CAV3: variants seen among roughly 807,000 people sequenced by gnomAD.
CAV3 encodes caveolin 3, also known as caveolin-3.
CAV3 carries 10 observed loss-of-function variants against 13.4 expected under a neutral mutation model. That is an observed-to-expected ratio of 0.75 (90% CI 0.46 to 1.27). CAV3 has a LOEUF of 1.27. Among genes scored for constraint, CAV3 ranks in the 50% most tolerant of loss-of-function variants. The pLI is 0.00. For missense variants in CAV3, 162 were observed against 194.0 expected (o/e 0.83, Z 0.98); for synonymous variants, 90 against 79.0 (o/e 1.14, Z -0.74).
intron 1 of CAV3, among the ~76,000 whole-genome samples, chr3:8,740,748 T>A (rs1707929583): frequency 6.6e-6 from 1 of 152,110 alleles, no homozygotes; most frequent in South Asian, 2.1e-4. Context: ...TGCTCTCAAC[T>A]CCTAGAGCAC....
At chr3:8,742,792 C>T (rs1161073473) in intron 1 of CAV3, among the ~76,000 whole-genome samples, 1 of 152,004 alleles carries the variant, frequency 6.6e-6, no homozygotes. Context: ...GATGAGCAGG[C>T]AGATAGGTGG....
At position 8,741,369 on chromosome 3, in the gene CAV3, T is replaced by A. The variant is rs112304496; in HGVS notation, c.115-4157T>A. Among the ~76,000 whole-genome samples, 4 of 152,294 alleles carry A rather than the reference T, an allele frequency of 2.6e-5. 1 individual carries two copies. The highest frequency in any genetic ancestry group is 9.6e-5 in the African/African-American group (4 of 41,558). On this transcript the variant is annotated intron_variant, in intron 1 of 1. Transcript: ENST00000343849. ...TCTAAGCACTCTCAACTTCTATAATTACCTTGTTGGGAGACAGGACACACT... is the reference window on the plus strand; with the variant it reads ...TCTAAGCACTCTCAACTTCTATAATAACCTTGTTGGGAGACAGGACACACT...
Position 8,734,007 on chromosome 3 carries a change from T to G in CAV3, c.114+17T>G. 1.4e-6 allele frequency: 2 copies of G among 1,468,282 alleles called. No individual in the cohort carries two copies. Among genetic ancestry groups the G allele is most frequent in the Non-Finnish European group, 9.5e-7 (1 of 1,047,928 alleles). 91.0% of individuals were successfully genotyped at this position (1,468,282 alleles called of 1,614,324 possible). On this transcript the variant is annotated intron_variant, in intron 1 of 1. Transcript: ENST00000343849. ...ATAGTCAAGGTAGGCTCTGCAGGCCTGCCTCGGCGGGCGGAGAGTGTCAGG... is the reference window on the plus strand; with the variant it reads ...ATAGTCAAGGTAGGCTCTGCAGGCCGGCCTCGGCGGGCGGAGAGTGTCAGG...
At chr3:8,743,777 A>G (rs768870888) in intron 1 of CAV3, among the ~76,000 whole-genome samples, 1 of 152,214 alleles carries the variant, frequency 6.6e-6, no homozygotes, top group African/African-American at 2.4e-5. Context: ...TCTGAGCAAC[A>G]TGGTTCTAGT....
chr3:8,737,387 C>T (rs1020142524), intron 1 of CAV3, among the ~76,000 whole-genome samples: 1 of 152,094 alleles, frequency 6.6e-6, no homozygotes, highest in Non-Finnish European at 1.5e-5. Context: ...CAGTCACGGC[C>T]GTTTCACATT....
intron 1 of CAV3, among the ~76,000 whole-genome samples, chr3:8,736,287 C>G (rs1431622685): frequency 3.3e-5 from 5 of 152,146 alleles, no homozygotes; most frequent in Non-Finnish European, 7.3e-5. Flanking sequence ...TTTACCTCCA[C>G]CAGGTAAACG....
chr3:8,735,130 G>T (rs1707706636), intron 1 of CAV3, among the ~76,000 whole-genome samples: 1 of 152,160 alleles, frequency 6.6e-6, no homozygotes, highest in African/African-American at 2.4e-5. Flanking sequence ...CCTACTGAAA[G>T]CATTGGAATC....
At position 8,746,000 on chromosome 3, in the gene CAV3, C is replaced by T. The variant is rs1046237406; in HGVS notation, c.*133C>T. The T allele has an allele frequency of 3.1e-5, 21 of 686,168 alleles. No homozygotes were observed. Among genetic ancestry groups the T allele is most frequent in the South Asian group, 1.7e-4 (9 of 52,746 alleles). The allele number at this position is 686,168 out of a possible 1,614,324, so 42.5% of individuals were successfully genotyped here. ...GCTCCATACCCCATGATGGAGCACA[C>T]GGTGTAGGGAAGCCAGAAAGAAAAG... is the stretch of plus-strand genomic sequence containing the variant. On this transcript the variant is annotated 3_prime_UTR_variant, in exon 2 of 2. Coordinates refer to ENST00000343849, the MANE Select transcript of CAV3 (RefSeq NM_033337.3). This position sits in a 1 kb window ranked among gnomAD's most constrained non-coding sequence, Gnocchi z 4.8.
chr3:8,734,036 G>T, intron 1 of CAV3, 46 bp downstream of exon 1: 1 of 1,103,308 alleles, frequency 9.1e-7, no homozygotes, highest in Non-Finnish European at 1.4e-6. Context: ...TGTCAGGTTT[G>T]CGAGACGTGG....
chr3:8,735,168 C>T (rs1215673286), intron 1 of CAV3, among the ~76,000 whole-genome samples: 1 of 152,218 alleles, frequency 6.6e-6, no homozygotes, highest in Non-Finnish European at 1.5e-5. Context: ...AATAGGGATA[C>T]TGTTACCACA....
rs146518904 is a variant in CAV3, at chr3:8,740,379, G to A, written c.115-5147G>A. On this transcript the variant is annotated intron_variant, in intron 1 of 1. Coordinates refer to ENST00000343849, the MANE Select transcript of CAV3 (RefSeq NM_033337.3). The stretch of plus-strand genomic sequence containing the variant: ...CCAGCAAACCACCCACTGAAAGCTC[G>A]TGCACAGCCAAGCCCAGAGCTCCAC... 9.9e-5 allele frequency among the ~76,000 whole-genome samples: 15 copies of A among 151,934 alleles called. No individual in the cohort carries two copies. The East Asian group carries it at 1.8e-3, about 18-fold the overall frequency.
intron 1 of CAV3, among the ~76,000 whole-genome samples, chr3:8,738,920 A>G (rs1312428924): frequency 1.3e-5 from 2 of 152,240 alleles, no homozygotes; most frequent in African/African-American, 4.8e-5. Context: ...CTCTGTCTGC[A>G]GAAGAATAAT....
Position 8,733,998 on chromosome 3 carries a change from C to G in CAV3, c.114+8C>G, listed in dbSNP as rs987275270. The G allele has an allele frequency of 6.6e-6, 10 of 1,519,074 alleles. No individual in the cohort carries two copies. The highest frequency in any genetic ancestry group is 1.7e-4 in the Middle Eastern group (1 of 5,882). The allele number at this position is 1,519,074 out of a possible 1,614,324, so 94.1% of individuals were successfully genotyped here. A position where few individuals can be genotyped will look rare whatever the true frequency, so the allele number is the denominator to read the frequency against. The stretch of plus-strand genomic sequence containing the variant: ...AACGAGGACATAGTCAAGGTAGGCT[C>G]TGCAGGCCTGCCTCGGCGGGCGGAG... On this transcript the variant is annotated splice_region_variant and intron_variant, in intron 1 of 1. Coordinates refer to ENST00000343849, the MANE Select transcript of CAV3 (RefSeq NM_033337.3).
chr3:8,738,865 C>A (rs1707848240), intron 1 of CAV3, among the ~76,000 whole-genome samples: 1 of 152,158 alleles, frequency 6.6e-6, no homozygotes, highest in African/African-American at 2.4e-5. Context: ...GGAAGCCATG[C>A]ACCATCAGCT....
chr3:8,738,143 G>C (rs142996569), intron 1 of CAV3, among the ~76,000 whole-genome samples: 2 of 152,232 alleles, frequency 1.3e-5, no homozygotes, highest in East Asian at 3.9e-4. Flanking sequence ...GAACCTGAGA[G>C]TTATGCAGGT....
rs533325108 is a variant in CAV3 at position 8,743,363 on chromosome 3, A to G, written c.115-2163A>G. Among the ~76,000 whole-genome samples the G allele has an allele frequency of 1.4e-4, 21 of 152,120 alleles. No homozygotes were observed. In the East Asian group the frequency reaches 3.7e-3, roughly 27 times the overall value. Reference sequence around the variant, plus strand: ...CATGGGGAGTGAATATGACTTTTCCATCCCTGTTCCAATCCCGAAGTCCCC... The same window carrying G: ...CATGGGGAGTGAATATGACTTTTCCGTCCCTGTTCCAATCCCGAAGTCCCC... On this transcript the variant is annotated intron_variant, in intron 1 of 1. Coordinates refer to ENST00000343849, the MANE Select transcript of CAV3 (RefSeq NM_033337.3).
In CAV3 at chr3:8,745,565, T is replaced by C; in HGVS notation, c.154T>C (p.Tyr52His). The C allele has an allele frequency of 6.2e-7, 1 of 1,614,164 alleles. No homozygotes were observed. Among genetic ancestry groups the C allele is most frequent in the Non-Finnish European group, 8.5e-7 (1 of 1,180,016 alleles). Residue 52 changes from tyrosine (Y) to histidine (H), a missense_variant, in exon 2 of 2, where the codon TAC (tyrosine) becomes CAC (histidine). By Grantham distance (83) the Tyr-to-His change is moderately conservative. Transcript: ENST00000343849. This position sits in a 1 kb window ranked among gnomAD's most constrained non-coding sequence, Gnocchi z 4.8. ...EDVIAEPVGT[Y>H]SFDGVWKVSY... is the part of the protein sequence containing the mutation. ...CGTGATCGCAGAGCCTGTGGGCACC[T>C]ACAGCTTTGACGGCGTGTGGAAGGT...
chr3:8,734,053 G>A (rs1389205098), intron 1 of CAV3, 63 bp downstream of exon 1: 5 of 863,502 alleles, frequency 5.8e-6, no homozygotes, highest in Non-Finnish European at 7.9e-6. Context: ...GTGGGCGCTT[G>A]GCAGGGGAGG....
chr3:8,745,983 C>G lies in CAV3; in HGVS notation c.*116C>G, dbSNP rs72546664. ...CTTTCTCTTTAGGGACTGCTCCATACCCCATGATGGAGCACACGGTGTAGG... is the reference window on the plus strand; with the variant it reads ...CTTTCTCTTTAGGGACTGCTCCATAGCCCATGATGGAGCACACGGTGTAGG... On this transcript the variant is annotated 3_prime_UTR_variant, in exon 2 of 2. Coordinates refer to ENST00000343849, the MANE Select transcript of CAV3 (RefSeq NM_033337.3). The surrounding 1 kb of genome is among the most constrained non-coding windows in gnomAD (Gnocchi z 4.8). 7.9e-4 allele frequency: 610 copies of G among 772,078 alleles called. 2 individuals carry two copies. In the African/African-American group the frequency reaches 7.9e-3, roughly 10 times the overall value. The allele number at this position is 772,078 out of a possible 1,614,324, so 47.8% of individuals were successfully genotyped here.
Sources: allele counts gnomAD v4.1 joint callset (sites outside exome capture counted in the v4.1 genomes callset), GRCh38; gene constraint gnomAD v4.1.1; non-coding constraint Gnocchi (gnomAD v3.1); transcripts MANE v1.5; gene names NCBI Gene and HGNC (gene_info 2026-07-23, HGNC 2026-07-21).